Variants in STRADA observed in about 807,000 individuals in gnomAD.
The protein encoded by STRADA is STE20-related kinase adapter protein alpha.
In STRADA, 26 loss-of-function variants were observed where a neutral mutation model predicts 55.0. That is an observed-to-expected ratio of 0.47 (90% CI 0.35 to 0.66). The LOEUF is 0.66. Among genes scored for constraint, STRADA ranks in the 30% least tolerant of loss-of-function variants. The pLI is 0.01. For missense variants in STRADA, 443 were observed against 549.7 expected, an observed-to-expected ratio of 0.81 and a Z score of 1.94; for synonymous variants, 197 against 210.9, an observed-to-expected ratio of 0.93 and a Z score of 0.57.
chr17:63,704,344 G>A lies in STRADA; in HGVS notation c.1097C>T (p.Ala366Val), dbSNP rs568541908. The A allele has an allele frequency of 6.2e-7, 1 of 1,612,186 alleles. No homozygotes were observed. Among genetic ancestry groups the A allele is most frequent in the Non-Finnish European group, 8.5e-7 (1 of 1,179,590 alleles). ...AGGCCCAGGCCAGCAGGGATACCTGGCATCCGGGTTGCGCTGAAGGCACTG... is the reference window on the plus strand; with the variant it reads ...AGGCCCAGGCCAGCAGGGATACCTGACATCCGGGTTGCGCTGAAGGCACTG... ...VEQCLQRNPD[A>V]RPSASTLLNH... The change falls in exon 11 of 13, where the codon GCC (alanine) becomes GTC (valine). Residue 366 changes from alanine (A) to valine (V), a missense_variant. Transcript: ENST00000336174.
chr17:63,713,783 C>G (rs1052573743), intron 5 of STRADA, among the ~76,000 whole-genome samples: 8 of 152,116 alleles, frequency 5.3e-5, no homozygotes, highest in Non-Finnish European at 1.2e-4. Context: ...GGAAACATGG[C>G]AGCCACAAAG....
intron 10 of STRADA, chr17:63,706,400 T>G: frequency 2.0e-6 from 1 of 495,890 alleles, no homozygotes; most frequent in South Asian, 3.6e-5. Context: ...GGCCTCCATT[T>G]GCACCCCTGC....
intron 4 of STRADA, chr17:63,714,615 G>A (rs752116275): frequency 1.0e-5 from 2 of 197,662 alleles, no homozygotes; most frequent in Non-Finnish European, 2.1e-5. Flanking sequence ...CCAAGAGCCC[G>A]GGCCAGTCAT....
chr17:63,729,558 G>A (rs1370636207), intron 1 of STRADA, among the ~76,000 whole-genome samples: 3 of 152,216 alleles, frequency 2.0e-5, no homozygotes, highest in African/African-American at 4.8e-5. Flanking sequence ...GCTGAGGTGG[G>A]TGGATCACTT....
intron 4 of STRADA, chr17:63,718,990 T>C (rs1011761921): frequency 6.6e-6 from 1 of 152,256 alleles, no homozygotes; most frequent in Non-Finnish European, 1.5e-5. Flanking sequence ...GGACCTTGTC[T>C]GTCATGTTCA....
At chr17:63,705,130 T>A (rs1294255988) in intron 10 of STRADA, 5 of 604,000 alleles carry the variant, frequency 8.3e-6, no homozygotes, top group Non-Finnish European at 1.5e-5. Context: ...CACCTGGGAC[T>A]GCTGTCCTCG....
At chr17:63,737,248 C>CAAAAAAAAAAAAAAAAAAAAAAAA (rs59155094) in intron 1 of STRADA, 15 of 72,592 alleles carry the variant, frequency 2.1e-4, no homozygotes, top group South Asian at 3.8e-4. Flanking sequence ...CACTCTATCT[C>CAAAAAAAAAAAAAAAAAAAAAAAA]AAAAAAAAAA....
In STRADA at chr17:63,740,090, A is replaced by ATATATG. The variant is rs2038783486; in HGVS notation, c.-45+1650_-45+1651insCATATA. 4.3e-5 allele frequency among the ~76,000 whole-genome samples: 3 copies of ATATATG among 69,620 alleles called. No homozygotes were observed. The Admixed American group carries it at 4.4e-4, about 10-fold the overall frequency. The allele number at this position is 69,620 out of a possible 152,430, so 45.7% of individuals were successfully genotyped here. On this transcript the variant is annotated intron_variant, in intron 1 of 12. Coordinates refer to ENST00000336174, the MANE Select transcript of STRADA (RefSeq NM_001003787.4). ...GCCTATCAGAAACATTTAACACTATATATATATATATATATATACATACAT... is the reference window on the plus strand; with the variant it reads ...GCCTATCAGAAACATTTAACACTATATATATGTATATATATATATATATACATACAT...
At chr17:63,721,394 A>G (rs2037311815) in intron 4 of STRADA, among the ~76,000 whole-genome samples, 1 of 139,084 alleles carries the variant, frequency 7.2e-6, no homozygotes, top group African/African-American at 2.9e-5. Context: ...AATAAAAAAA[A>G]ATAAAGTGAA....
chr17:63,703,251 G>A lies in STRADA; in HGVS notation c.*348C>T, dbSNP rs1304365788. On this transcript the variant is annotated 3_prime_UTR_variant, in exon 13 of 13. Coordinates refer to ENST00000336174, the MANE Select transcript of STRADA (RefSeq NM_001003787.4). The stretch of plus-strand genomic sequence containing the variant: ...GTCGCAAGCACTGGGAAGAGGTGGC[G>A]GTCCTCGGGTTTAAGGAGCCAAACC... 12 of 210,034 alleles carry A rather than the reference G, an allele frequency of 5.7e-5. No individual in the cohort carries two copies. The highest frequency in any genetic ancestry group is 4.7e-4 in the Admixed American group (9 of 19,290). The allele number at this position is 210,034 out of a possible 1,614,324, so 13.0% of individuals were successfully genotyped here. A position where few individuals can be genotyped will look rare whatever the true frequency, so the allele number is the denominator to read the frequency against.
chr17:63,732,994 T>A (rs2038176398), intron 1 of STRADA, among the ~76,000 whole-genome samples: 1 of 152,082 alleles, frequency 6.6e-6, no homozygotes, highest in South Asian at 2.1e-4. Context: ...TTCATGCGAT[T>A]CTCCTGCCTC....
At chr17:63,706,833 C>T in intron 9 of STRADA, 94 bp from the exon 10 acceptor site, 4 of 921,118 alleles carry the variant, frequency 4.3e-6, no homozygotes, top group Non-Finnish European at 6.9e-6. Flanking sequence ...TGGCTGTCCC[C>T]ACATCAGGAC....
chr17:63,714,616 G>T, intron 4 of STRADA: 1 of 196,676 alleles, frequency 5.1e-6, no homozygotes, highest in Non-Finnish European at 1.1e-5. Context: ...CAAGAGCCCG[G>T]GCCAGTCATT....
At chr17:63,732,120 G>A (rs1041803490) in intron 1 of STRADA, among the ~76,000 whole-genome samples, 1 of 152,010 alleles carries the variant, frequency 6.6e-6, no homozygotes, top group Non-Finnish European at 1.5e-5. Context: ...CACCCGCCTC[G>A]GCCTCCCAAA....
rs1211518148 is a variant in STRADA, at chr17:63,703,376, C to T, written c.*223G>A. 2 of 526,344 alleles carry T rather than the reference C, an allele frequency of 3.8e-6. No homozygotes were observed. Among genetic ancestry groups the T allele is most frequent in the East Asian group, 6.8e-5 (2 of 29,486 alleles). 32.6% of individuals were successfully genotyped at this position (526,344 alleles called of 1,614,324 possible). A position where few individuals can be genotyped will look rare whatever the true frequency, so the allele number is the denominator to read the frequency against. On this transcript the variant is annotated 3_prime_UTR_variant, in exon 13 of 13. Coordinates refer to ENST00000336174, the MANE Select transcript of STRADA (RefSeq NM_001003787.4). ...ACTGGGAATGTCGGCTTTGGACCCT[C>T]CTGATCCCTGGTTGTTGAGATTCCC...
At chr17:63,704,996 T>C (rs1380856427) in intron 10 of STRADA, 1 of 1,253,722 alleles carries the variant, frequency 8.0e-7, no homozygotes, top group Non-Finnish European at 1.1e-6. Context: ...TGAGAGGCAG[T>C]CCCTGCAGTG....
intron 1 of STRADA, among the ~76,000 whole-genome samples, chr17:63,729,828 TCTTTTC>T (rs1298178326): frequency 8.0e-5 from 12 of 149,568 alleles, no homozygotes; most frequent in African/African-American, 2.5e-4. Flanking sequence ...AAACCATGTC[TCTTTTC>T]CTTTTCCTTT....
Position 63,728,316 on chromosome 17 carries a change from GA to G in STRADA, c.36+17del. The G allele has an allele frequency of 6.2e-7, 1 of 1,612,732 alleles. No individual in the cohort carries two copies. The highest frequency in any genetic ancestry group is 1.1e-5 in the South Asian group (1 of 90,950). On this transcript the variant is annotated intron_variant, in intron 2 of 12. Transcript: ENST00000336174. ...GAAAACAAAAATAGTAAAGCCAGAA[GA>G]ATAGAAAAACACTCACCCTGATTCG...
intron 4 of STRADA, chr17:63,717,139 C>T (rs190473912): frequency 1.3e-5 from 2 of 152,306 alleles, no homozygotes; most frequent in Non-Finnish European, 2.9e-5. Context: ...TTGCTCTCTA[C>T]TTTTTGGTGA....
Sources: allele counts gnomAD v4.1 joint callset (sites outside exome capture counted in the v4.1 genomes callset), GRCh38; gene constraint gnomAD v4.1.1; transcripts MANE v1.5; gene names NCBI Gene and HGNC (gene_info 2026-07-23, HGNC 2026-07-21).